The following FGF12 variants were observed in gnomAD, a reference collection of about 807,000 sequenced individuals.
FGF12 encodes the protein fibroblast growth factor 12B.
A neutral mutation model predicts 23.6 loss-of-function variants in FGF12; 14 were observed. The ratio of observed to expected loss-of-function variants is 0.59; its 90% CI spans 0.39 to 0.93. The LOEUF is 0.93. Ranked by LOEUF, FGF12 falls within the 40% of genes least tolerant of loss-of-function variation. The pLI is 0.00. For synonymous variants in FGF12, 62 were observed against 77.3 expected (o/e 0.80, Z 1.04); for missense variants, 175 against 217.8 (o/e 0.80, Z 1.24).
intron 2 of FGF12, among the ~76,000 whole-genome samples, chr3:192,543,216 C>T (rs1488293581): frequency 2.6e-5 from 4 of 152,070 alleles, no homozygotes; most frequent in Non-Finnish European, 5.9e-5. Context: ...GCACCCAAGC[C>T]ACAAGACTAA....
intron 2 of FGF12, among the ~76,000 whole-genome samples, chr3:192,621,350 A>T (rs2108647909): frequency 6.6e-6 from 1 of 152,218 alleles, no homozygotes. Context: ...ATTAATTGTC[A>T]CCTTTTGTAA....
intron 2 of FGF12, among the ~76,000 whole-genome samples, chr3:192,387,870 C>A (rs1399810465): frequency 6.6e-6 from 1 of 151,700 alleles, no homozygotes; most frequent in Non-Finnish European, 1.5e-5. Context: ...CTGGGTGACA[C>A]AGTGAGACAC....
chr3:192,486,852 A>G (rs774370853), intron 2 of FGF12, among the ~76,000 whole-genome samples: 6 of 152,156 alleles, frequency 3.9e-5, no homozygotes, highest in Non-Finnish European at 7.4e-5. Context: ...TTTTATTCAG[A>G]GCCAAAACTG....
chr3:192,515,719 G>A (rs1175354874), intron 2 of FGF12, among the ~76,000 whole-genome samples: 1 of 152,150 alleles, frequency 6.6e-6, no homozygotes, highest in Non-Finnish European at 1.5e-5. Flanking sequence ...AGAGCGCTTC[G>A]CTTTGGCGCC....
chr3:192,375,997 G>A (rs572629080), intron 2 of FGF12, among the ~76,000 whole-genome samples: 1 of 152,188 alleles, frequency 6.6e-6, no homozygotes, highest in South Asian at 2.1e-4. Flanking sequence ...ATTCCCAGGT[G>A]TGGATTGTTT....
At chr3:192,504,246 T>G (rs1285601617) in intron 2 of FGF12, among the ~76,000 whole-genome samples, 1 of 152,082 alleles carries the variant, frequency 6.6e-6, no homozygotes, top group Non-Finnish European at 1.5e-5. Context: ...GTACTATGCT[T>G]AGTACCTGCG....
chr3:192,334,711 G>A (rs1025775152), intron 4 of FGF12, among the ~76,000 whole-genome samples: 7 of 152,102 alleles, frequency 4.6e-5, no homozygotes, highest in African/African-American at 1.4e-4. Context: ...ACAACATTGT[G>A]TCCAACATGC....
chr3:192,495,728 G>A (rs1246194759), intron 2 of FGF12, among the ~76,000 whole-genome samples: 4 of 152,082 alleles, frequency 2.6e-5, no homozygotes, highest in African/African-American at 7.2e-5. Flanking sequence ...GTGCAGTGGC[G>A]TAATTATGGC....
At chr3:192,428,593 T>A (rs1308992526) in intron 2 of FGF12, among the ~76,000 whole-genome samples, 1 of 152,184 alleles carries the variant, frequency 6.6e-6, no homozygotes, top group East Asian at 1.9e-4. Context: ...TCTCTTGGGT[T>A]CTCATAATTG....
At chr3:192,487,000 C>CTAT (rs139848338) in intron 2 of FGF12, among the ~76,000 whole-genome samples, 2,973 of 151,814 alleles carry the variant, frequency 0.02, 93 homozygotes, top group African/African-American at 0.066. Context: ...ATTTGTTTTA[C>CTAT]TATTATTATT....
intron 2 of FGF12, among the ~76,000 whole-genome samples, chr3:192,393,732 T>A (rs1213514443): frequency 6.6e-6 from 1 of 152,196 alleles, no homozygotes; most frequent in African/African-American, 2.4e-5. Context: ...TAGGATATAT[T>A]TTAATCATAT....
intron 2 of FGF12, among the ~76,000 whole-genome samples, chr3:192,548,333 A>C (rs1370763765): frequency 6.6e-6 from 1 of 152,182 alleles, no homozygotes; most frequent in Non-Finnish European, 1.5e-5. Context: ...AATATTTCTT[A>C]AATTTCAAAT....
chr3:192,145,857 C>A (rs11915460), intron 5 of FGF12, among the ~76,000 whole-genome samples: 1 of 152,084 alleles, frequency 6.6e-6, no homozygotes, highest in Non-Finnish European at 1.5e-5. Context: ...AATAGAAGAT[C>A]CTTAGGGAAT....
rs1276696057 is a variant in FGF12, at chr3:192,514,797, C to G, written c.14-154259G>C. The stretch of plus-strand genomic sequence containing the variant: ...GTGGGGTTGGTCAACTCCCCGCCCA[C>G]CTGCGCTAGTAGTCCAACCAACAGG... On this transcript the variant is annotated intron_variant, in intron 2 of 5. Transcript: ENST00000445105. The surrounding 1 kb of genome is among the most constrained non-coding windows in gnomAD (Gnocchi z 4.9). 5.1e-6 allele frequency: 5 copies of G among 985,266 alleles called. No homozygotes were observed. The highest frequency in any genetic ancestry group is 1.2e-6 in the Non-Finnish European group (1 of 829,914). 61.0% of individuals were successfully genotyped at this position (985,266 alleles called of 1,614,324 possible).
intron 2 of FGF12, among the ~76,000 whole-genome samples, chr3:192,548,361 A>G (rs1725548301): frequency 6.6e-6 from 1 of 152,236 alleles, no homozygotes; most frequent in South Asian, 2.1e-4. Flanking sequence ...TAGAATTGAT[A>G]TAAATTTCAG....
intron 2 of FGF12, among the ~76,000 whole-genome samples, chr3:192,681,703 T>A (rs1439739495): frequency 6.6e-6 from 1 of 152,206 alleles, no homozygotes; most frequent in African/African-American, 2.4e-5. Flanking sequence ...ATCCTCCTTT[T>A]TTCAAGGAAA....
chr3:192,177,749 A>C (rs775104394), intron 4 of FGF12, among the ~76,000 whole-genome samples: 31 of 152,210 alleles, frequency 2.0e-4, no homozygotes, highest in Non-Finnish European at 4.3e-4. Flanking sequence ...CTTGTTCTTG[A>C]AAATGTCTTC....
At chr3:192,650,530 TATTA>T (rs1716178183) in intron 2 of FGF12, among the ~76,000 whole-genome samples, 2 of 152,200 alleles carry the variant, frequency 1.3e-5, no homozygotes, top group East Asian at 3.8e-4. Context: ...ACCCTATACC[TATTA>T]TTTATCTCAT....
Position 192,519,060 on chromosome 3 carries a change from T to C in FGF12, c.14-158522A>G, listed in dbSNP as rs1257977980. Among the ~76,000 whole-genome samples, 6 of 152,300 alleles carry C rather than the reference T, an allele frequency of 3.9e-5. No homozygotes were observed. In the East Asian group the frequency reaches 9.6e-4, roughly 24 times the overall value. On this transcript the variant is annotated intron_variant, in intron 2 of 5. Transcript: ENST00000445105. ...CCCAATTTCCCTAATGTTAATGACT[T>C]TCATGACCAGTGTACAAATATCAAA...
Sources: gnomAD v4.1 joint callset for allele counts (sites outside exome capture counted in the v4.1 genomes callset) on GRCh38, gnomAD v4.1.1 for gene constraint, Gnocchi (gnomAD v3.1) non-coding constraint, MANE v1.5 for transcripts, NCBI Gene and HGNC (gene_info 2026-07-23, HGNC 2026-07-21) for gene names.